Variants in TMEM268 observed in about 807,000 individuals in gnomAD.
TMEM268 encodes the protein transmembrane protein 268, also known as transmembrane protein C9orf91.
In TMEM268, 24 loss-of-function variants were observed where a neutral mutation model predicts 39.1. The observed-to-expected ratio is 0.61, with a 90% confidence interval of 0.44 to 0.86. TMEM268 has a LOEUF of 0.86. Among genes scored for constraint, TMEM268 ranks in the 40% least tolerant of loss-of-function variants. The pLI, the probability that TMEM268 is intolerant of heterozygous loss-of-function variation, is 0.00. For missense variants in TMEM268, 409 were observed against 428.6 expected, an observed-to-expected ratio of 0.95 and a Z score of 0.40; for synonymous variants, 176 against 173.5, an observed-to-expected ratio of 1.01 and a Z score of -0.12.
chr9:114,622,784 A>G (rs770017882), intron 2 of TMEM268, among the ~76,000 whole-genome samples: 20 of 152,230 alleles, frequency 1.3e-4, no homozygotes, highest in Non-Finnish European at 1.9e-4. Context: ...TACCACTAAC[A>G]TACTGGCTTA....
In TMEM268 at chr9:114,643,912, A is replaced by G. The variant is rs1827459622; in HGVS notation, c.*599A>G. 1 of 152,306 alleles carries G rather than the reference A, an allele frequency of 6.6e-6. No homozygotes were observed. Among genetic ancestry groups the G allele is most frequent in the African/African-American group, 2.4e-5 (1 of 41,452 alleles). The allele number at this position is 152,306 out of a possible 1,614,324, so 9.4% of individuals were successfully genotyped here. A position where few individuals can be genotyped will look rare whatever the true frequency, so the allele number is the denominator to read the frequency against. ...GCAGTGGTATGTGTACGTGTTGTCT[A>G]CCAGTACACAGGCTGCAGAAGACAG... is the stretch of plus-strand genomic sequence containing the variant. On this transcript the variant is annotated 3_prime_UTR_variant, in exon 9 of 9. Transcript: ENST00000288502.
At chr9:114,620,243 GTTAC>G (rs34540244) in intron 2 of TMEM268, among the ~76,000 whole-genome samples, 69,286 of 151,344 alleles carry the variant, frequency 0.46, 16,020 homozygotes, top group Admixed American at 0.52. Flanking sequence ...TATAGTTTTA[GTTAC>G]TTACTTATTT....
the TMEM268 span, among the ~76,000 whole-genome samples, chr9:114,605,418 T>G: frequency 6.6e-6 from 1 of 152,118 alleles, no homozygotes; most frequent in African/African-American, 2.4e-5. Flanking sequence ...ATTGAAAGAT[T>G]TGGCCAGTGG....
upstream of TMEM268, among the ~76,000 whole-genome samples, chr9:114,607,877 T>C (rs1845387466): frequency 6.6e-6 from 1 of 151,878 alleles, no homozygotes; most frequent in African/African-American, 2.4e-5. Context: ...CACTGAGAAC[T>C]AGAAGTGAGA....
intron 2 of TMEM268, among the ~76,000 whole-genome samples, chr9:114,621,868 C>CA (rs1381808364): frequency 3.3e-5 from 5 of 152,126 alleles, no homozygotes; most frequent in Non-Finnish European, 5.9e-5. Flanking sequence ...TTCCTAAGGG[C>CA]TGGAAGAACG....
At chr9:114,617,758 GTTGGGGCCTTACT>G (rs1423810741) in intron 2 of TMEM268, among the ~76,000 whole-genome samples, 7 of 152,224 alleles carry the variant, frequency 4.6e-5, no homozygotes, top group Non-Finnish European at 1.0e-4. Context: ...TTTTTGTAGA[GTTGGGGCCTTACT>G]TTGTTGCCCA....
intron 2 of TMEM268, 80 bp from the exon 3 acceptor site, chr9:114,624,270 A>T (rs1040159561): frequency 2.0e-6 from 3 of 1,535,180 alleles, no homozygotes; most frequent in Admixed American, 2.0e-5. Flanking sequence ...CAGAGGTGTG[A>T]TGCCGCCAGG....
At chr9:114,606,650 C>T (rs971799539), upstream of TMEM268, among the ~76,000 whole-genome samples, 17 of 152,060 alleles carry the variant, frequency 1.1e-4, no homozygotes, top group African/African-American at 3.9e-4. Context: ...TTCTATTTTG[C>T]AGATTAGGAA....
At chr9:114,604,659 A>G in the TMEM268 span, among the ~76,000 whole-genome samples, 1 of 152,024 alleles carries the variant, frequency 6.6e-6, no homozygotes, top group Non-Finnish European at 1.5e-5. Flanking sequence ...AACATCTCAC[A>G]AATTCCCTGA....
chr9:114,612,976 A>G (rs1231557542), intron 1 of TMEM268, among the ~76,000 whole-genome samples: 2 of 152,186 alleles, frequency 1.3e-5, no homozygotes, highest in Non-Finnish European at 2.9e-5. Flanking sequence ...TATTTCTTCA[A>G]TGATTCCTAC....
At position 114,644,087 on chromosome 9, in the gene TMEM268, T is replaced by G. The variant is rs560688567; in HGVS notation, c.*774T>G. On this transcript the variant is annotated 3_prime_UTR_variant, in exon 9 of 9. Coordinates refer to ENST00000288502, the MANE Select transcript of TMEM268 (RefSeq NM_153045.4). Reference sequence around the variant, plus strand: ...TACAGATGTAGAACAATGGTTATGTTTCCCGACATGAACATTGTCCTGGAA... The same window carrying G: ...TACAGATGTAGAACAATGGTTATGTGTCCCGACATGAACATTGTCCTGGAA... The G allele has an allele frequency of 6.6e-6, 1 of 152,460 alleles. No individual in the cohort carries two copies. The highest frequency in any genetic ancestry group is 2.4e-5 in the African/African-American group (1 of 41,594). The allele number at this position is 152,460 out of a possible 1,614,324, so 9.4% of individuals were successfully genotyped here.
chr9:114,643,213 T>A lies in TMEM268; in HGVS notation c.929T>A (p.Met310Lys). Residue 310 changes from methionine (M) to lysine (K), a missense_variant, in exon 9 of 9, where the codon ATG becomes AAG. Met to Lys is a moderately conservative substitution (Grantham distance 95, BLOSUM62 -1). Coordinates refer to ENST00000288502, the MANE Select transcript of TMEM268 (RefSeq NM_153045.4). Reference protein sequence around the residue: ...LLVTSQLPQAMGTRHTNSPRI... With the variant: ...LLVTSQLPQAKGTRHTNSPRI... ...GTGACCTCCCAGCTCCCTCAGGCAA[T>A]GGGGACACGACACACGAACTCTCCG... 1 of 1,614,080 alleles carries A rather than the reference T, an allele frequency of 6.2e-7. No homozygotes were observed. The highest frequency in any genetic ancestry group is 8.5e-7 in the Non-Finnish European group (1 of 1,179,996).
chr9:114,633,520 C>T (rs1160375001), intron 5 of TMEM268, among the ~76,000 whole-genome samples: 1 of 152,150 alleles, frequency 6.6e-6, no homozygotes, highest in Non-Finnish European at 1.5e-5. Flanking sequence ...ATTGTCCAGG[C>T]TGGCCTCAAA....
Position 114,644,117 on chromosome 9 carries a change from G to A in TMEM268, c.*804G>A, listed in dbSNP as rs917147745. 2 of 152,388 alleles carry A rather than the reference G, an allele frequency of 1.3e-5. No individual in the cohort carries two copies. The highest frequency in any genetic ancestry group is 4.8e-5 in the African/African-American group (2 of 41,456). The allele number at this position is 152,388 out of a possible 1,614,324, so 9.4% of individuals were successfully genotyped here. ...GACATGAACATTGTCCTGGAATGAA[G>A]TGTGATCAGCCACTTGTGGAATTCT... On this transcript the variant is annotated 3_prime_UTR_variant, in exon 9 of 9. Transcript: ENST00000288502.
chr9:114,644,101 A>G lies in TMEM268; in HGVS notation c.*788A>G, dbSNP rs2183018. ...AATGGTTATGTTTCCCGACATGAAC[A>G]TTGTCCTGGAATGAAGTGTGATCAG... On this transcript the variant is annotated 3_prime_UTR_variant, in exon 9 of 9. Transcript: ENST00000288502. 0.17 allele frequency: 26,652 copies of G among 152,354 alleles called. 2,491 individuals are homozygous for G. The highest frequency in any genetic ancestry group is 0.28 in the South Asian group (1,350 of 4,816). 9.4% of individuals were successfully genotyped at this position (152,354 alleles called of 1,614,324 possible). A position where few individuals can be genotyped will look rare whatever the true frequency, so the allele number is the denominator to read the frequency against.
At position 114,640,922 on chromosome 9, in the gene TMEM268, C is replaced by G. The variant is rs186968230; in HGVS notation, c.849+2196C>G. On this transcript the variant is annotated intron_variant, in intron 8 of 8. Transcript: ENST00000288502. Reference sequence around the variant, plus strand: ...AGGGAGTTTTGCTCTTTTGCCCAGGCTAGAGTGAAGTGGTGTGATCTCCGC... The same window carrying G: ...AGGGAGTTTTGCTCTTTTGCCCAGGGTAGAGTGAAGTGGTGTGATCTCCGC... 6.3e-3 allele frequency among the ~76,000 whole-genome samples: 954 copies of G among 151,854 alleles called. 7 individuals are homozygous for G. Among genetic ancestry groups the G allele is most frequent in the African/African-American group, 0.022 (922 of 41,354 alleles).
chr9:114,614,725 TG>T (rs1175268941), intron 1 of TMEM268, among the ~76,000 whole-genome samples: 4 of 152,156 alleles, frequency 2.6e-5, no homozygotes, highest in Non-Finnish European at 5.9e-5. Flanking sequence ...TTAGCAGGGC[TG>T]GTGTGTCATC....
At chr9:114,633,556 C>T (rs1846496042) in intron 5 of TMEM268, among the ~76,000 whole-genome samples, 1 of 152,142 alleles carries the variant, frequency 6.6e-6, no homozygotes, top group Admixed American at 6.6e-5. Flanking sequence ...AATTCTCCTG[C>T]CTTAGTCTCT....
intron 6 of TMEM268, among the ~76,000 whole-genome samples, chr9:114,635,978 G>A (rs116921507): frequency 3.9e-3 from 600 of 152,342 alleles, no homozygotes; most frequent in Non-Finnish European, 5.4e-3. Flanking sequence ...TCCCTTGTGG[G>A]TATGACATTG....
Sources: gnomAD v4.1 joint callset for allele counts (sites outside exome capture counted in the v4.1 genomes callset) on GRCh38, gnomAD v4.1.1 for gene constraint, MANE v1.5 for transcripts, NCBI Gene and HGNC (gene_info 2026-07-23, HGNC 2026-07-21) for gene names.